Variants in MYO18B observed in about 807,000 individuals in gnomAD.
MYO18B encodes the protein unconventional myosin-XVIIIb.
Under a neutral mutation model 273.0 loss-of-function variants are expected in MYO18B, and 204 were observed. That is an observed-to-expected ratio of 0.75 (90% CI 0.67 to 0.84). MYO18B has a LOEUF of 0.84. Among genes scored for constraint, MYO18B ranks in the 40% least tolerant of loss-of-function variants. The pLI, the probability that MYO18B is intolerant of heterozygous loss-of-function variation, is 0.00. For missense variants in MYO18B, 3,212 were observed against 3,287.6 expected (o/e 0.98, Z 0.56); for synonymous variants, 1,330 against 1,305.7 (o/e 1.02, Z -0.40).
chr22:25,753,909 GA>G (rs2086026254), intron 1 of MYO18B, among the ~76,000 whole-genome samples: 1 of 152,226 alleles, frequency 6.6e-6, no homozygotes. Flanking sequence ...GCGAGACCAA[GA>G]ACCCGCCAAT....
intron 25 of MYO18B, among the ~76,000 whole-genome samples, chr22:25,884,284 G>GTCACA (rs997377617): frequency 5.3e-5 from 8 of 152,296 alleles, no homozygotes; most frequent in Non-Finnish European, 1.0e-4. Flanking sequence ...ACTTGTTGGG[G>GTCACA]TCACATGGTC....
At chr22:25,747,006 C>T (rs974831863) in intron 1 of MYO18B, among the ~76,000 whole-genome samples, 14 of 152,136 alleles carry the variant, frequency 9.2e-5, no homozygotes, top group Non-Finnish European at 1.9e-4. Context: ...CCTGTAGTCC[C>T]AGCTACTCGG....
At chr22:25,855,307 G>T in intron 21 of MYO18B, among the ~76,000 whole-genome samples, 1 of 112,368 alleles carries the variant, frequency 8.9e-6, no homozygotes, top group Admixed American at 1.1e-4. Context: ...TTTTTGAGAT[G>T]GAGTCTTGCT....
intron 33 of MYO18B, among the ~76,000 whole-genome samples, chr22:25,917,031 CA>C (rs2092271411): frequency 6.6e-6 from 1 of 151,626 alleles, no homozygotes; most frequent in Non-Finnish European, 1.5e-5. Flanking sequence ...GACCTTGTCT[CA>C]AAAACAAAAA....
intron 42 of MYO18B, among the ~76,000 whole-genome samples, chr22:26,023,491 TCCTCTA>T (rs1245590692): frequency 3.4e-5 from 5 of 149,016 alleles, no homozygotes; most frequent in African/African-American, 1.3e-4. Context: ...CTCCTCCTCC[TCCTCTA>T]CCTCCTCCCT....
At chr22:25,777,544 G>A in intron 7 of MYO18B, 39 bp from the exon 8 acceptor site, 2 of 1,546,582 alleles carry the variant, frequency 1.3e-6, no homozygotes, top group African/African-American at 2.7e-5. Context: ...CCTAGGCAGT[G>A]GCTGGATGGG....
chr22:25,785,463 G>C lies in MYO18B; in HGVS notation c.2348G>C (p.Ser783Thr). ...AACCTGCACCAGATGGCAGATAGCA[G>C]CTCCTTTGGCATGGGCGTGTGGTCC... ...ELNLHQMADS[S>T]SFGMGVWSKP... Residue 783 changes from serine to threonine, a missense_variant, in exon 11 of 44, where the codon AGC (serine) becomes ACC (threonine). Physicochemically the swap from Ser to Thr is moderately conservative, Grantham distance 58. Transcript: ENST00000335473. The C allele has an allele frequency of 6.2e-7, 1 of 1,612,262 alleles. No individual in the cohort carries two copies. Among genetic ancestry groups the C allele is most frequent in the African/African-American group, 1.3e-5 (1 of 75,062 alleles).
intron 42 of MYO18B, among the ~76,000 whole-genome samples, chr22:26,022,904 GCCCAGC>G (rs1935930996): frequency 6.6e-6 from 1 of 152,194 alleles, no homozygotes; most frequent in Non-Finnish European, 1.5e-5. Context: ...CCTGGCTTGG[GCCCAGC>G]AAACCTATGG....
intron 39 of MYO18B, among the ~76,000 whole-genome samples, chr22:25,990,260 A>G (rs1601771110): frequency 6.6e-6 from 1 of 152,194 alleles, no homozygotes; most frequent in East Asian, 1.9e-4. Context: ...CCATTGGGGA[A>G]TGCAGTCATA....
chr22:25,960,533 G>T (rs1291551443), intron 39 of MYO18B, among the ~76,000 whole-genome samples: 1 of 152,288 alleles, frequency 6.6e-6, no homozygotes, highest in East Asian at 1.9e-4. Flanking sequence ...AAGTTCCCCA[G>T]GTCTTGAAAA....
intron 21 of MYO18B, among the ~76,000 whole-genome samples, chr22:25,862,753 T>A (rs906621336): frequency 1.3e-5 from 2 of 152,116 alleles, no homozygotes; most frequent in East Asian, 3.8e-4. Context: ...GCTTTCAAGA[T>A]TTTCAATAGT....
At chr22:25,796,532 A>G (rs942710334) in intron 11 of MYO18B, among the ~76,000 whole-genome samples, 1 of 151,688 alleles carries the variant, frequency 6.6e-6, no homozygotes, top group African/African-American at 2.4e-5. Context: ...GGAGTTTGAG[A>G]CTGCAGTGGG....
At chr22:25,855,816 A>G (rs1188278375) in intron 21 of MYO18B, among the ~76,000 whole-genome samples, 1 of 147,972 alleles carries the variant, frequency 6.8e-6, no homozygotes, top group Non-Finnish European at 1.5e-5. Flanking sequence ...TGAAGACCCT[A>G]CTTTCTTTCT....
chr22:25,786,843 G>T (rs2087410889), intron 11 of MYO18B, among the ~76,000 whole-genome samples: 1 of 152,088 alleles, frequency 6.6e-6, no homozygotes, highest in Non-Finnish European at 1.5e-5. Context: ...AAAAAGATGG[G>T]CAAAATATGG....
chr22:25,828,574 C>A (rs1468295535), intron 14 of MYO18B, among the ~76,000 whole-genome samples: 1 of 151,448 alleles, frequency 6.6e-6, no homozygotes, highest in Non-Finnish European at 1.5e-5. Flanking sequence ...TTATAGCTAT[C>A]CCTGGGATAA....
At chr22:25,904,343 A>G (rs1253845782) in intron 31 of MYO18B, among the ~76,000 whole-genome samples, 1 of 152,156 alleles carries the variant, frequency 6.6e-6, no homozygotes, top group Non-Finnish European at 1.5e-5. Flanking sequence ...CTGTATACTA[A>G]CCTCAGCCCT....
intron 1 of MYO18B, among the ~76,000 whole-genome samples, chr22:25,752,372 A>G (rs1475195240): frequency 1.3e-5 from 2 of 150,934 alleles, no homozygotes; most frequent in Admixed American, 6.6e-5. Context: ...TATTTTTAGT[A>G]GAGACGGGGT....
rs111313718 is a variant in MYO18B at position 25,764,395 on chromosome 22, T to C, written c.198+1006T>C. On this transcript the variant is annotated intron_variant, in intron 3 of 43. Transcript: ENST00000335473. ...CCCTGTGTTAGGTAGAAAGGGCATC[T>C]CTTTGTGTCTCCAGCGCCCCCTTCA... Among the ~76,000 whole-genome samples the C allele has an allele frequency of 1.9e-3, 296 of 152,280 alleles. 1 individual carries two copies. Among genetic ancestry groups the C allele is most frequent in the African/African-American group, 6.6e-3 (275 of 41,542 alleles).
In MYO18B at chr22:25,785,330, C is replaced by T. The variant is rs1044212429; in HGVS notation, c.2313-98C>T. The stretch of plus-strand genomic sequence containing the variant: ...GGACAGGGACAGCCCCTGGGGTGTC[C>T]GGGCAGTTGTGTGGAGCCTCACACT... On this transcript the variant is annotated intron_variant, in intron 10 of 43. Coordinates refer to ENST00000335473, the MANE Select transcript of MYO18B (RefSeq NM_032608.7). The T allele has an allele frequency of 6.1e-5, 72 of 1,185,326 alleles. 1 individual carries two copies. Among genetic ancestry groups the T allele is most frequent in the Middle Eastern group, 5.3e-4 (2 of 3,776 alleles). The allele number at this position is 1,185,326 out of a possible 1,614,324, so 73.4% of individuals were successfully genotyped here.
Sources: allele counts gnomAD v4.1 joint callset (sites outside exome capture counted in the v4.1 genomes callset), GRCh38; gene constraint gnomAD v4.1.1; transcripts MANE v1.5; gene names NCBI Gene and HGNC (gene_info 2026-07-23, HGNC 2026-07-21).